The following PCDHGB4 variants were observed in gnomAD, a reference collection of about 807,000 sequenced individuals.
The protein encoded by PCDHGB4 is protocadherin gamma subfamily B, 4, also known as protocadherin gamma-B4.
A neutral mutation model predicts 60.5 loss-of-function variants in PCDHGB4; 38 were observed. The observed-to-expected ratio is 0.63, with a 90% confidence interval of 0.48 to 0.82. PCDHGB4 has a LOEUF of 0.82. Ranked by LOEUF, PCDHGB4 falls within the 40% of genes least tolerant of loss-of-function variation. The pLI, the probability that PCDHGB4 is intolerant of heterozygous loss-of-function variation, is 0.00. For synonymous variants in PCDHGB4, 456 were observed against 509.7 expected (o/e 0.89, Z 1.42); for missense variants, 1,109 against 1,209.6 (o/e 0.92, Z 1.23).
intron 1 of PCDHGB4, chr5:141,405,187 G>T (rs372851700): frequency 9.3e-6 from 15 of 1,613,480 alleles, no homozygotes; most frequent in Non-Finnish European, 1.3e-5. Flanking sequence ...GTGTAGATGG[G>T]GTTCGAGCTT....
rs558074504 is a variant in PCDHGB4, at chr5:141,489,065, C to G, written c.2398-5742C>G. On this transcript the variant is annotated intron_variant, in intron 1 of 3. Coordinates refer to ENST00000519479, the MANE Select transcript of PCDHGB4 (RefSeq NM_003736.4). This position sits in a 1 kb window ranked among gnomAD's most constrained non-coding sequence, Gnocchi z 4.5. ...CCACTCAAATTCAGCTCCCCTCCCC[C>G]CTGCCCACCCCCGCCACTCGGTGAC... is the stretch of plus-strand genomic sequence containing the variant. The G allele has an allele frequency of 1.5e-4, 57 of 389,046 alleles. No homozygotes were observed. Among genetic ancestry groups the G allele is most frequent in the African/African-American group, 8.5e-4 (40 of 47,278 alleles). 24.1% of individuals were successfully genotyped at this position (389,046 alleles called of 1,614,324 possible).
At chr5:141,442,708 A>C (rs2098338740) in intron 1 of PCDHGB4, among the ~76,000 whole-genome samples, 2 of 152,254 alleles carry the variant, frequency 1.3e-5, no homozygotes, top group Non-Finnish European at 2.9e-5. Context: ...AGTATCAGAC[A>C]TGCCAGAGCA....
intron 1 of PCDHGB4, chr5:141,393,501 G>C (rs754946327): frequency 1.9e-6 from 3 of 1,614,044 alleles, no homozygotes; most frequent in Non-Finnish European, 2.5e-6. Flanking sequence ...GCGCATCCAC[G>C]TGACAGTGTT....
Position 141,418,592 on chromosome 5 carries a change from G to A in PCDHGB4, c.2397+28311G>A, listed in dbSNP as rs772314584. Reference sequence around the variant, plus strand: ...TGACAACCCCCCAGTGTTCAGCCAGGACGTGTACAGGGTTAGCCTTCGGGA... The same window carrying A: ...TGACAACCCCCCAGTGTTCAGCCAGAACGTGTACAGGGTTAGCCTTCGGGA... On this transcript the variant is annotated intron_variant, in intron 1 of 3. Transcript: ENST00000519479. 18 of 1,614,020 alleles carry A rather than the reference G, an allele frequency of 1.1e-5. No homozygotes were observed. The highest frequency in any genetic ancestry group is 1.5e-5 in the Non-Finnish European group (18 of 1,179,902).
chr5:141,413,129 A>T (rs761379605), intron 1 of PCDHGB4: 41 of 1,536,352 alleles, frequency 2.7e-5, no homozygotes, highest in Non-Finnish European at 3.6e-5. Context: ...GTTGAAACAC[A>T]CAACGTGTCC....
At chr5:141,488,565 C>T (rs1308485284) in intron 1 of PCDHGB4, among the ~76,000 whole-genome samples, 1 of 152,174 alleles carries the variant, frequency 6.6e-6, no homozygotes, top group Non-Finnish European at 1.5e-5. Flanking sequence ...GAGATTTCCG[C>T]AAAGCATTGC....
At position 141,389,274 on chromosome 5, in the gene PCDHGB4, C is replaced by T. The variant is rs183257097; in HGVS notation, c.1390C>T (p.Pro464Ser). 2 of 1,614,032 alleles carry T rather than the reference C, an allele frequency of 1.2e-6. No individual in the cohort carries two copies. Among genetic ancestry groups the T allele is most frequent in the Non-Finnish European group, 8.5e-7 (1 of 1,179,906 alleles). Residue 464 changes from proline (P) to serine (S), a missense_variant, in exon 1 of 4, where the codon CCG becomes TCG. Transcript: ENST00000519479. ...TATAGTCCACGTGGCCGAGAACAAC[C>T]CGCCTGGAGCCTCTATTTCACAAGT... ...SYIVHVAENN[P>S]PGASISQVRA...
At chr5:141,439,796 G>C (rs980000701) in intron 1 of PCDHGB4, 4 of 152,318 alleles carry the variant, frequency 2.6e-5, no homozygotes, top group African/African-American at 9.6e-5. Flanking sequence ...AATCCAAGAA[G>C]AGTTTGAAAA....
chr5:141,393,526 A>G, intron 1 of PCDHGB4: 3 of 1,613,974 alleles, frequency 1.9e-6, no homozygotes, highest in East Asian at 2.2e-5. Context: ...ACAAATGACA[A>G]TGCCCCGGTT....
rs1299979776 is a variant in PCDHGB4 at position 141,512,453 on chromosome 5, G to GC, written c.*1282dup. On this transcript the variant is annotated 3_prime_UTR_variant, in exon 4 of 4. Transcript: ENST00000519479. ...TCCTGAAGCCTCAGTCCTTCACCTT[G>GC]CCAGGTGCCGTTTCTCTTCCGTGAA... The GC allele has an allele frequency of 6.5e-6, 1 of 152,880 alleles. No homozygotes were observed. The allele number at this position is 152,880 out of a possible 1,614,324, so 9.5% of individuals were successfully genotyped here.
chr5:141,489,247 C>T lies in PCDHGB4; in HGVS notation c.2398-5560C>T. 6.5e-7 allele frequency: 1 copy of T among 1,546,012 alleles called. No individual in the cohort carries two copies. The highest frequency in any genetic ancestry group is 8.7e-7 in the Non-Finnish European group (1 of 1,146,298). ...ACAAAGGGACTTCTGGGTCATGGGGCCCAAGACACTCCCACAGCTCGCTGG... is the reference window on the plus strand; with the variant it reads ...ACAAAGGGACTTCTGGGTCATGGGGTCCAAGACACTCCCACAGCTCGCTGG... On this transcript the variant is annotated intron_variant, in intron 1 of 3. Coordinates refer to ENST00000519479, the MANE Select transcript of PCDHGB4 (RefSeq NM_003736.4). This position sits in a 1 kb window ranked among gnomAD's most constrained non-coding sequence, Gnocchi z 4.5.
At chr5:141,459,710 C>T (rs2098973565) in intron 1 of PCDHGB4, among the ~76,000 whole-genome samples, 1 of 152,204 alleles carries the variant, frequency 6.6e-6, no homozygotes, top group Non-Finnish European at 1.5e-5. Flanking sequence ...CATTTTCTCA[C>T]CAATGCTTCC....
intron 1 of PCDHGB4, among the ~76,000 whole-genome samples, chr5:141,435,652 G>C (rs978809372): frequency 6.6e-6 from 1 of 152,108 alleles, no homozygotes; most frequent in Non-Finnish European, 1.5e-5. Context: ...TTTCTGAAAC[G>C]TGCACAGATT....
Position 141,409,176 on chromosome 5 carries a change from G to A in PCDHGB4, c.2397+18895G>A. On this transcript the variant is annotated intron_variant, in intron 1 of 3. Transcript: ENST00000519479. ...ATGGAAGTGGAAGCGAAGGACGGAG[G>A]TGGTCTCTCTACCCAGTGTAAAGTA... The A allele has an allele frequency of 6.2e-7, 1 of 1,614,026 alleles. No individual in the cohort carries two copies. The highest frequency in any genetic ancestry group is 8.5e-7 in the Non-Finnish European group (1 of 1,179,892).
chr5:141,490,045 C>G lies in PCDHGB4; in HGVS notation c.2398-4762C>G, dbSNP rs530803072. 6 of 1,614,114 alleles carry G rather than the reference C, an allele frequency of 3.7e-6. No individual in the cohort carries two copies. The highest frequency in any genetic ancestry group is 5.1e-6 in the Non-Finnish European group (6 of 1,180,014). On this transcript the variant is annotated intron_variant, in intron 1 of 3. Coordinates refer to ENST00000519479, the MANE Select transcript of PCDHGB4 (RefSeq NM_003736.4). This position sits in a 1 kb window ranked among gnomAD's most constrained non-coding sequence, Gnocchi z 5.4. ...GCTGCTCCGCCTCAATGCCACTGAT[C>G]CAGACGAGGGCACCAACGGCCAACT...
At chr5:141,500,473 T>C (rs911171031) in intron 2 of PCDHGB4, among the ~76,000 whole-genome samples, 10 of 152,132 alleles carry the variant, frequency 6.6e-5, no homozygotes, top group Admixed American at 4.6e-4. Flanking sequence ...CCTCCCAAAG[T>C]GCTGGGATTA....
chr5:141,397,809 A>G lies in PCDHGB4; in HGVS notation c.2397+7528A>G, dbSNP rs116170608. Among the ~76,000 whole-genome samples, 1,507 of 152,354 alleles carry G rather than the reference A, an allele frequency of 9.9e-3. 33 individuals carry two copies. Among genetic ancestry groups the G allele is most frequent in the African/African-American group, 0.034 (1,415 of 41,586 alleles). ...ACTTGGCTTGTTAAGTTAGGCACACAAAAACAATTACTGCACTGGTTAACT... is the reference window on the plus strand; with the variant it reads ...ACTTGGCTTGTTAAGTTAGGCACACGAAAACAATTACTGCACTGGTTAACT... On this transcript the variant is annotated intron_variant, in intron 1 of 3. Coordinates refer to ENST00000519479, the MANE Select transcript of PCDHGB4 (RefSeq NM_003736.4).
intron 1 of PCDHGB4, among the ~76,000 whole-genome samples, chr5:141,462,903 T>A (rs1455334521): frequency 6.6e-6 from 1 of 152,208 alleles, no homozygotes; most frequent in Non-Finnish European, 1.5e-5. Context: ...GGAAGGCTAT[T>A]ATGTTTTTTG....
chr5:141,451,716 T>C (rs947058540), intron 1 of PCDHGB4, among the ~76,000 whole-genome samples: 1 of 152,092 alleles, frequency 6.6e-6, no homozygotes, highest in Non-Finnish European at 1.5e-5. Context: ...ACCCTGCCTC[T>C]ACTAAAAATA....
Sources: gnomAD v4.1 joint callset for allele counts (sites outside exome capture counted in the v4.1 genomes callset) on GRCh38, gnomAD v4.1.1 for gene constraint, Gnocchi (gnomAD v3.1) non-coding constraint, MANE v1.5 for transcripts, NCBI Gene and HGNC (gene_info 2026-07-23, HGNC 2026-07-21) for gene names.